Variants in NCKAP5 observed in about 807,000 individuals in gnomAD.
The protein encoded by NCKAP5 is NCK associated protein 5.
NCKAP5 carries 92 observed loss-of-function variants against 167.0 expected under a neutral mutation model. The observed-to-expected ratio is 0.55, with a 90% confidence interval of 0.47 to 0.66. NCKAP5 has a LOEUF of 0.66. NCKAP5 is among the 30% of genes least tolerant of loss of function. The probability of loss-of-function intolerance (pLI) is 0.00; values close to 1 mark genes in which losing one functional copy is unlikely to be tolerated. For missense variants in NCKAP5, 2,378 were observed against 2,315.0 expected, an observed-to-expected ratio of 1.03 and a Z score of -0.56; for synonymous variants, 891 against 877.4, an observed-to-expected ratio of 1.02 and a Z score of -0.27.
the NCKAP5 span, among the ~76,000 whole-genome samples, chr2:133,650,638 G>T: frequency 2.0e-5 from 3 of 152,188 alleles, no homozygotes; most frequent in African/African-American, 7.2e-5. Context: ...ACTTTGGGAG[G>T]CCGAGGCAGG....
At chr2:133,214,323 T>A (rs2086338921) in intron 4 of NCKAP5, among the ~76,000 whole-genome samples, 2 of 152,174 alleles carry the variant, frequency 1.3e-5, no homozygotes, top group Admixed American at 1.3e-4. Context: ...GCCCATTTTA[T>A]AGATGAAGAA....
intron 11 of NCKAP5, among the ~76,000 whole-genome samples, chr2:132,841,655 A>G (rs1310527981): frequency 6.6e-6 from 1 of 152,042 alleles, no homozygotes; most frequent in Non-Finnish European, 1.5e-5. Flanking sequence ...CTGTTGTTAT[A>G]TATACTCTAT....
chr2:133,024,886 C>G (rs1437937214), intron 6 of NCKAP5, among the ~76,000 whole-genome samples: 1 of 152,178 alleles, frequency 6.6e-6, no homozygotes, highest in Non-Finnish European at 1.5e-5. Flanking sequence ...GAGCCACACA[C>G]CATGTTGCAA....
intron 5 of NCKAP5, among the ~76,000 whole-genome samples, chr2:133,212,522 C>G (rs552636866): frequency 6.6e-6 from 1 of 152,258 alleles, no homozygotes; most frequent in Admixed American, 6.5e-5. Flanking sequence ...TGCCCACCAC[C>G]ACGCCCAGCT....
intron 8 of NCKAP5, among the ~76,000 whole-genome samples, chr2:132,925,561 CAAA>C (rs575777951): frequency 3.7e-5 from 2 of 53,606 alleles, no homozygotes; most frequent in African/African-American, 1.2e-4. Context: ...GACTCCGTCT[CAAA>C]AAAAAAAAAA....
At chr2:132,735,729 C>T (rs1036231122) in intron 16 of NCKAP5, among the ~76,000 whole-genome samples, 4 of 152,136 alleles carry the variant, frequency 2.6e-5, no homozygotes, top group African/African-American at 9.7e-5. Context: ...GATTCAAAAA[C>T]CGAAGTAAGA....
chr2:133,076,509 A>G (rs1365406176), intron 6 of NCKAP5, among the ~76,000 whole-genome samples: 3 of 152,244 alleles, frequency 2.0e-5, no homozygotes, highest in Non-Finnish European at 4.4e-5. Context: ...AAAGTTCAAT[A>G]TTGCAATTCC....
intron 4 of NCKAP5, among the ~76,000 whole-genome samples, chr2:133,244,617 T>TAA (rs200432799): frequency 6.6e-6 from 1 of 151,908 alleles, no homozygotes; most frequent in African/African-American, 2.4e-5. Flanking sequence ...AAATATATAT[T>TAA]TAAAAAAACA....
At chr2:133,092,584 A>G (rs1379803006) in intron 6 of NCKAP5, among the ~76,000 whole-genome samples, 2 of 149,798 alleles carry the variant, frequency 1.3e-5, no homozygotes. Context: ...GTCCTAAAAT[A>G]ACATAATTTT....
intron 16 of NCKAP5, among the ~76,000 whole-genome samples, chr2:132,742,888 A>T (rs1679324583): frequency 6.6e-6 from 1 of 151,908 alleles, no homozygotes; most frequent in South Asian, 2.1e-4. Context: ...AGTTGAGATG[A>T]GTCCATCTTT....
At chr2:133,422,479 C>T (rs1559472687) in intron 3 of NCKAP5, among the ~76,000 whole-genome samples, 4 of 152,050 alleles carry the variant, frequency 2.6e-5, no homozygotes, top group Admixed American at 6.5e-5. Context: ...TTCCAAGAGC[C>T]GAGAGAGCAG....
At chr2:133,433,942 G>T (rs1176574511) in intron 3 of NCKAP5, 1 of 152,094 alleles carries the variant, frequency 6.6e-6, no homozygotes, top group Non-Finnish European at 1.5e-5. Flanking sequence ...GCACCTTTAG[G>T]ATGTACAGGA....
At chr2:133,580,227 A>T in the NCKAP5 span, among the ~76,000 whole-genome samples, 1 of 152,224 alleles carries the variant, frequency 6.6e-6, no homozygotes, top group Non-Finnish European at 1.5e-5. Context: ...TTTAAGCCCC[A>T]TTCTACCTCC....
the NCKAP5 span, among the ~76,000 whole-genome samples, chr2:133,651,267 C>T: frequency 2.0e-5 from 3 of 152,126 alleles, no homozygotes; most frequent in Non-Finnish European, 4.4e-5. Context: ...GGGTTAATCT[C>T]CAAGATATGT....
At chr2:132,816,965 G>A (rs982481232) in intron 11 of NCKAP5, among the ~76,000 whole-genome samples, 2 of 152,100 alleles carry the variant, frequency 1.3e-5, no homozygotes, top group Non-Finnish European at 2.9e-5. Context: ...TCCTTGAACT[G>A]CAAATGTCTA....
chr2:133,395,778 T>G lies in NCKAP5; in HGVS notation c.70-92668A>C, dbSNP rs1687693984. ...CTCCTGCCTCAGCCTCCTGAGTAGTTGAGGCTATAGGTGTCCCACCACACT... is the reference window on the plus strand; with the variant it reads ...CTCCTGCCTCAGCCTCCTGAGTAGTGGAGGCTATAGGTGTCCCACCACACT... On this transcript the variant is annotated intron_variant, in intron 3 of 19. Transcript: ENST00000409261. 2.6e-5 allele frequency among the ~76,000 whole-genome samples: 4 copies of G among 152,124 alleles called. No individual in the cohort carries two copies. The South Asian group carries it at 8.3e-4, about 32-fold the overall frequency.
chr2:132,891,759 T>C (rs56114626), intron 8 of NCKAP5, among the ~76,000 whole-genome samples: 4,639 of 152,308 alleles, frequency 0.03, 116 homozygotes, highest in Non-Finnish European at 0.045. Flanking sequence ...CAGGGGGATA[T>C]ACAGAAAAGA....
chr2:133,673,914 T>G, the NCKAP5 span, among the ~76,000 whole-genome samples: 1 of 152,182 alleles, frequency 6.6e-6, no homozygotes, highest in Non-Finnish European at 1.5e-5. Context: ...ATCAGGAACT[T>G]TGTATGTCTT....
chr2:133,146,984 T>C (rs1037218417), intron 5 of NCKAP5, among the ~76,000 whole-genome samples: 1 of 152,168 alleles, frequency 6.6e-6, no homozygotes, highest in African/African-American at 2.4e-5. Flanking sequence ...TAGTGGGTGA[T>C]ATTTCCTGTC....
Sources: gnomAD v4.1 joint callset for allele counts (sites outside exome capture counted in the v4.1 genomes callset) on GRCh38, gnomAD v4.1.1 for gene constraint, MANE v1.5 for transcripts, NCBI Gene and HGNC (gene_info 2026-07-23, HGNC 2026-07-21) for gene names.